The following GCGR variants were observed in gnomAD, a reference collection of about 807,000 sequenced individuals.
The protein encoded by GCGR is glucagon receptor.
A neutral mutation model predicts 56.1 loss-of-function variants in GCGR; 41 were observed. The observed-to-expected ratio is 0.73, with a 90% confidence interval of 0.57 to 0.95. GCGR has a LOEUF of 0.95. Among genes scored for constraint, GCGR ranks in the 40% least tolerant of loss-of-function variants. The pLI, the probability that GCGR is intolerant of heterozygous loss-of-function variation, is 0.00. For synonymous variants in GCGR, 278 were observed against 271.1 expected (o/e 1.03, Z -0.25); for missense variants, 595 against 638.2 (o/e 0.93, Z 0.73).
Position 81,810,128 on chromosome 17 carries a change from G to A in GCGR, c.163+244G>A, listed in dbSNP as rs370781519. 3.5e-6 allele frequency: 2 copies of A among 578,604 alleles called. No individual in the cohort carries two copies. Among genetic ancestry groups the A allele is most frequent in the Non-Finnish European group, 6.3e-6 (2 of 317,412 alleles). The allele number at this position is 578,604 out of a possible 1,614,324, so 35.8% of individuals were successfully genotyped here. ...AGAACGGTGGCATTGCCCCAGAACC[G>A]GCTGCTGCTGCTGCCCCCAGGCCCA... is the stretch of plus-strand genomic sequence containing the variant. On this transcript the variant is annotated intron_variant, in intron 3 of 13. Coordinates refer to ENST00000400723, the MANE Select transcript of GCGR (RefSeq NM_000160.5). The surrounding 1 kb of genome is among the most constrained non-coding windows in gnomAD (Gnocchi z 4.6).
Position 81,811,959 on chromosome 17 carries a change from G to T in GCGR, c.878+13G>T, listed in dbSNP as rs372749709. ...TCGAGAACGTCCAGTGAGTATGAGC[G>T]GCTGGACAGCCTGGGGAGGGACCGG... On this transcript the variant is annotated intron_variant, in intron 9 of 13. Coordinates refer to ENST00000400723, the MANE Select transcript of GCGR (RefSeq NM_000160.5). The surrounding 1 kb of genome is among the most constrained non-coding windows in gnomAD (Gnocchi z 5.8). 7.8e-6 allele frequency: 12 copies of T among 1,536,880 alleles called. No individual in the cohort carries two copies. Among genetic ancestry groups the T allele is most frequent in the South Asian group, 3.6e-5 (3 of 84,058 alleles).
chr17:81,806,808 G>A lies in GCGR; in HGVS notation c.-177-2034G>A, dbSNP rs1936374979. Among the ~76,000 whole-genome samples the A allele has an allele frequency of 3.4e-5, 5 of 147,052 alleles. No homozygotes were observed. In the South Asian group the frequency reaches 1.1e-3, roughly 33 times the overall value. ...CGTCCCCCCCCACCCCCACTTCGAG[G>A]CGCCCAGGCAGGGAACAGCTCATTG... On this transcript the variant is annotated intron_variant, in intron 1 of 13. Transcript: ENST00000400723. This position sits in a 1 kb window ranked among gnomAD's most constrained non-coding sequence, Gnocchi z 6.5.
rs1194113298 is a variant in GCGR, at chr17:81,804,898, C to T, written c.-178+649C>T. Among the ~76,000 whole-genome samples the T allele has an allele frequency of 6.6e-6, 1 of 152,212 alleles. No individual in the cohort carries two copies. The highest frequency in any genetic ancestry group is 1.5e-5 in the Non-Finnish European group (1 of 68,024). ...GCTCCGACTCTGAACCGACTGACCC[C>T]GGCCCCCTCGGCGCCCGCATCCTCC... On this transcript the variant is annotated intron_variant, in intron 1 of 13. Coordinates refer to ENST00000400723, the MANE Select transcript of GCGR (RefSeq NM_000160.5). The surrounding 1 kb of genome is among the most constrained non-coding windows in gnomAD (Gnocchi z 8.2).
chr17:81,813,257 C>T lies in GCGR; in HGVS notation c.1218+200C>T, dbSNP rs1353072529. The stretch of plus-strand genomic sequence containing the variant: ...CCCCCAGGACAGGTTGGCCTCAGCC[C>T]CATCGCTACGGTGTCCACCGTGGGG... On this transcript the variant is annotated intron_variant, in intron 13 of 13. Coordinates refer to ENST00000400723, the MANE Select transcript of GCGR (RefSeq NM_000160.5). The surrounding 1 kb of genome is among the most constrained non-coding windows in gnomAD (Gnocchi z 5.3). 6.6e-6 allele frequency among the ~76,000 whole-genome samples: 1 copy of T among 152,150 alleles called. No homozygotes were observed. The highest frequency in any genetic ancestry group is 1.5e-5 in the Non-Finnish European group (1 of 68,008).
Position 81,811,576 on chromosome 17 carries a change from C to T in GCGR, c.657+16C>T, listed in dbSNP as rs867827368. ...CAGTGATGGAGTGAGCCCCCCTCGG[C>T]GGCCCCAGGCAGGTGGGTGGGTGGG... On this transcript the variant is annotated intron_variant, in intron 7 of 13. Coordinates refer to ENST00000400723, the MANE Select transcript of GCGR (RefSeq NM_000160.5). The surrounding 1 kb of genome is among the most constrained non-coding windows in gnomAD (Gnocchi z 5.8). 30 of 1,536,010 alleles carry T rather than the reference C, an allele frequency of 2.0e-5. No individual in the cohort carries two copies. In the African/African-American group the frequency reaches 2.5e-4, roughly 13 times the overall value.
Position 81,810,142 on chromosome 17 carries a change from C to T in GCGR, c.163+258C>T. 1 of 561,416 alleles carries T rather than the reference C, an allele frequency of 1.8e-6. No homozygotes were observed. Among genetic ancestry groups the T allele is most frequent in the Admixed American group, 2.7e-5 (1 of 36,670 alleles). The allele number at this position is 561,416 out of a possible 1,614,324, so 34.8% of individuals were successfully genotyped here. A position where few individuals can be genotyped will look rare whatever the true frequency, so the allele number is the denominator to read the frequency against. ...GCCCCAGAACCGGCTGCTGCTGCTGCCCCCAGGCCCAGATGGGTAATACCA... is the reference window on the plus strand; with the variant it reads ...GCCCCAGAACCGGCTGCTGCTGCTGTCCCCAGGCCCAGATGGGTAATACCA... On this transcript the variant is annotated intron_variant, in intron 3 of 13. Coordinates refer to ENST00000400723, the MANE Select transcript of GCGR (RefSeq NM_000160.5). The surrounding 1 kb of genome is among the most constrained non-coding windows in gnomAD (Gnocchi z 4.6).
At position 81,811,586 on chromosome 17, in the gene GCGR, C is replaced by CAGGT; in HGVS notation, c.657+27_657+30dup. On this transcript the variant is annotated intron_variant, in intron 7 of 13. Transcript: ENST00000400723. This position sits in a 1 kb window ranked among gnomAD's most constrained non-coding sequence, Gnocchi z 5.8. ...GTGAGCCCCCCTCGGCGGCCCCAGG[C>CAGGT]AGGTGGGTGGGTGGGCAGCCAGGCA... The CAGGT allele has an allele frequency of 6.5e-7, 1 of 1,536,122 alleles. No homozygotes were observed. Among genetic ancestry groups the CAGGT allele is most frequent in the Non-Finnish European group, 8.7e-7 (1 of 1,146,784 alleles).
Position 81,813,908 on chromosome 17 carries a change from GT to G in GCGR, c.*220del, listed in dbSNP as rs2038159526. The G allele has an allele frequency of 3.4e-6, 2 of 588,348 alleles. No individual in the cohort carries two copies. The highest frequency in any genetic ancestry group is 6.0e-6 in the Non-Finnish European group (2 of 330,588). The allele number at this position is 588,348 out of a possible 1,614,324, so 36.4% of individuals were successfully genotyped here. A position where few individuals can be genotyped will look rare whatever the true frequency, so the allele number is the denominator to read the frequency against. On this transcript the variant is annotated 3_prime_UTR_variant, in exon 14 of 14. Transcript: ENST00000400723. This position sits in a 1 kb window ranked among gnomAD's most constrained non-coding sequence, Gnocchi z 5.3. Reference sequence around the variant, plus strand: ...GTGAGCAGAGGAGTCCAGGGCGGGAGTGGGGGCTGTGCCGTGAACTGCGTGC... The same window carrying G: ...GTGAGCAGAGGAGTCCAGGGCGGGAGGGGGGCTGTGCCGTGAACTGCGTGC...
In GCGR at chr17:81,813,836, G is replaced by A. The variant is rs1285941548; in HGVS notation, c.*147G>A. The A allele has an allele frequency of 7.0e-6, 5 of 716,168 alleles. No individual in the cohort carries two copies. Among genetic ancestry groups the A allele is most frequent in the African/African-American group, 5.3e-5 (3 of 56,116 alleles). The allele number at this position is 716,168 out of a possible 1,614,324, so 44.4% of individuals were successfully genotyped here. On this transcript the variant is annotated 3_prime_UTR_variant, in exon 14 of 14. Coordinates refer to ENST00000400723, the MANE Select transcript of GCGR (RefSeq NM_000160.5). The surrounding 1 kb of genome is among the most constrained non-coding windows in gnomAD (Gnocchi z 5.3). Reference sequence around the variant, plus strand: ...CCCCACCCCCAGTGTGGCTGTCTGCGAGATTGGGCCTCCTCTCCCTGCACC... The same window carrying A: ...CCCCACCCCCAGTGTGGCTGTCTGCAAGATTGGGCCTCCTCTCCCTGCACC...
At position 81,811,593 on chromosome 17, in the gene GCGR, G is replaced by T. The variant is rs1444033815; in HGVS notation, c.657+33G>T. ...CCCCTCGGCGGCCCCAGGCAGGTGG[G>T]TGGGTGGGCAGCCAGGCAGGTGGCC... On this transcript the variant is annotated intron_variant, in intron 7 of 13. Transcript: ENST00000400723. This position sits in a 1 kb window ranked among gnomAD's most constrained non-coding sequence, Gnocchi z 5.8. 6.5e-7 allele frequency: 1 copy of T among 1,536,162 alleles called. No individual in the cohort carries two copies. The highest frequency in any genetic ancestry group is 1.2e-5 in the South Asian group (1 of 84,052).
chr17:81,813,612 G>T lies in GCGR; in HGVS notation c.1357G>T (p.Gly453Cys), dbSNP rs1568255406. 1 of 1,536,532 alleles carries T rather than the reference G, an allele frequency of 6.5e-7. No homozygotes were observed. The highest frequency in any genetic ancestry group is 8.7e-7 in the Non-Finnish European group (1 of 1,146,854). The part of the protein sequence containing the change: ...PPSKELQFGR[G>C]GGSQDSSAET... ...CAGCAAGGAGCTGCAGTTTGGGAGG[G>T]GTGGTGGCAGCCAGGATTCATCTGC... Residue 453 changes from glycine to cysteine, a missense_variant, in exon 14 of 14, where the codon GGT (glycine) becomes TGT (cysteine). Transcript: ENST00000400723. The surrounding 1 kb of genome is among the most constrained non-coding windows in gnomAD (Gnocchi z 5.3).
Position 81,808,877 on chromosome 17 carries a change from A to G in GCGR, c.-142A>G, listed in dbSNP as rs1191942977. 1.5e-5 allele frequency: 15 copies of G among 987,092 alleles called. No homozygotes were observed. The highest frequency in any genetic ancestry group is 2.3e-5 in the Non-Finnish European group (15 of 653,684). 61.1% of individuals were successfully genotyped at this position (987,092 alleles called of 1,614,324 possible). On this transcript the variant is annotated 5_prime_UTR_variant, in exon 2 of 14. Coordinates refer to ENST00000400723, the MANE Select transcript of GCGR (RefSeq NM_000160.5). Reference sequence around the variant, plus strand: ...CTCAGAGGGGCAGCTTCAGGGGAGGACACCCCACTGGCCAGGACGCCCCAG... The same window carrying G: ...CTCAGAGGGGCAGCTTCAGGGGAGGGCACCCCACTGGCCAGGACGCCCCAG...
In GCGR at chr17:81,806,151, G is replaced by GT. The variant is rs926838114; in HGVS notation, c.-178+1903dup. On this transcript the variant is annotated intron_variant, in intron 1 of 13. Transcript: ENST00000400723. This position sits in a 1 kb window ranked among gnomAD's most constrained non-coding sequence, Gnocchi z 6.5. ...CTCATGGGTGCTCAGCTGGAAATTG[G>GT]TCCCCCCCCGGCTCCACCCACCCCT... is the stretch of plus-strand genomic sequence containing the variant. Among the ~76,000 whole-genome samples, 6 of 151,852 alleles carry GT rather than the reference G, an allele frequency of 4.0e-5. No homozygotes were observed. The highest frequency in any genetic ancestry group is 1.5e-4 in the African/African-American group (6 of 41,238).
chr17:81,810,683 G>C lies in GCGR; in HGVS notation c.164-142G>C, dbSNP rs937100022. The C allele has an allele frequency of 2.3e-5, 17 of 744,342 alleles. No individual in the cohort carries two copies. The highest frequency in any genetic ancestry group is 3.6e-5 in the Non-Finnish European group (16 of 446,376). The allele number at this position is 744,342 out of a possible 1,614,324, so 46.1% of individuals were successfully genotyped here. ...AGATGGGGGAGGTGGAGGTCAAGTG[G>C]GGGAGGGAGCAGCCCAGGCCATGTC... On this transcript the variant is annotated intron_variant, in intron 3 of 13. Transcript: ENST00000400723. This position sits in a 1 kb window ranked among gnomAD's most constrained non-coding sequence, Gnocchi z 4.6.
Position 81,811,654 on chromosome 17 carries a change from G to T in GCGR, c.661G>T (p.Val221Leu). ...SVSTWLSDGAVAGCRVAAVFM... is the reference protein window; with the variant it reads ...SVSTWLSDGALAGCRVAAVFM... ...GCTCACACTGCACCTGTACCAGGCG[G>T]TGGCTGGCTGCCGTGTGGCCGCGGT... is the stretch of plus-strand genomic sequence containing the variant. Residue 221 changes from valine (V) to leucine (L), a missense_variant, in exon 8 of 14, where the codon GTG (valine) becomes TTG (leucine). By Grantham distance (32) the Val-to-Leu change is conservative (BLOSUM62 1). Transcript: ENST00000400723. This position sits in a 1 kb window ranked among gnomAD's most constrained non-coding sequence, Gnocchi z 5.8. The T allele has an allele frequency of 6.5e-7, 1 of 1,536,502 alleles. No individual in the cohort carries two copies.
Position 81,811,532 on chromosome 17 carries a change from T to C in GCGR, c.629T>C (p.Leu210Pro). ...TACAGCCAGAAAATTGGCGACGACC[T>C]CAGTGTCAGCACCTGGCTCAGTGAT... ...TRYSQKIGDDLSVSTWLSDGA... is the reference protein window; with the variant it reads ...TRYSQKIGDDPSVSTWLSDGA... Residue 210 changes from leucine (L) to proline (P), a missense_variant, in exon 7 of 14, where the codon CTC becomes CCC. Leu to Pro is a moderately conservative substitution (Grantham distance 98). Transcript: ENST00000400723. The surrounding 1 kb of genome is among the most constrained non-coding windows in gnomAD (Gnocchi z 5.8). 6.5e-7 allele frequency: 1 copy of C among 1,536,504 alleles called. No homozygotes were observed. The highest frequency in any genetic ancestry group is 8.7e-7 in the Non-Finnish European group (1 of 1,146,844).
chr17:81,811,945 CAGTG>C lies in GCGR; in HGVS notation c.878+3_878+6del. The stretch of plus-strand genomic sequence containing the variant: ...GGTCAAGTGTCTGTTCGAGAACGTC[CAGTG>C]AGTATGAGCGGCTGGACAGCCTGGG... On this transcript the variant is annotated splice_donor_variant and splice_donor_region_variant and coding_sequence_variant and intron_variant, in exon 9 of 14. Transcript: ENST00000400723. LOFTEE classifies it high-confidence loss of function. The surrounding 1 kb of genome is among the most constrained non-coding windows in gnomAD (Gnocchi z 5.8). 1 of 1,536,938 alleles carries C rather than the reference CAGTG, an allele frequency of 6.5e-7. No homozygotes were observed. Among genetic ancestry groups the C allele is most frequent in the Non-Finnish European group, 8.7e-7 (1 of 1,146,858 alleles).
In GCGR at chr17:81,811,674, C is replaced by G. The variant is rs576029834; in HGVS notation, c.681C>G (p.Ala227=). 2 of 1,537,442 alleles carry G rather than the reference C, an allele frequency of 1.3e-6. No homozygotes were observed. Among genetic ancestry groups the G allele is most frequent in the African/African-American group, 2.7e-5 (2 of 73,172 alleles). The part of the protein sequence containing the change: ...SDGAVAGCRV[A]AVFMQYGIVA... Reference sequence around the variant, plus strand: ...AGGCGGTGGCTGGCTGCCGTGTGGCCGCGGTGTTCATGCAATATGGCATCG... The same window carrying G: ...AGGCGGTGGCTGGCTGCCGTGTGGCGGCGGTGTTCATGCAATATGGCATCG... The change falls in exon 8 of 14, where the codon GCC becomes GCG. Residue 227 remains alanine, a synonymous_variant. Coordinates refer to ENST00000400723, the MANE Select transcript of GCGR (RefSeq NM_000160.5). This position sits in a 1 kb window ranked among gnomAD's most constrained non-coding sequence, Gnocchi z 5.8.
rs1358089389 is a variant in GCGR, at chr17:81,811,753, G to A, written c.760G>A (p.Gly254Ser). 6.5e-7 allele frequency: 1 copy of A among 1,540,848 alleles called. No homozygotes were observed. Among genetic ancestry groups the A allele is most frequent in the Non-Finnish European group, 8.7e-7 (1 of 1,149,350 alleles). Residue 254 changes from glycine (G) to serine (S), a missense_variant, in exon 8 of 14, where the codon GGC becomes AGC. By Grantham distance (56) the Gly-to-Ser change is moderately conservative. Transcript: ENST00000400723. The surrounding 1 kb of genome is among the most constrained non-coding windows in gnomAD (Gnocchi z 5.8). Reference sequence around the variant, plus strand: ...GGGCCTGTACCTGCACAACCTGCTGGGCCTGGCCACCCTCCCCGAGAGGAG... The same window carrying A: ...GGGCCTGTACCTGCACAACCTGCTGAGCCTGGCCACCCTCCCCGAGAGGAG... ...VEGLYLHNLL[G>S]LATLPERSFF...
Sources: allele counts gnomAD v4.1 joint callset (sites outside exome capture counted in the v4.1 genomes callset), GRCh38; gene constraint gnomAD v4.1.1; non-coding constraint Gnocchi (gnomAD v3.1); transcripts MANE v1.5; gene names NCBI Gene and HGNC (gene_info 2026-07-23, HGNC 2026-07-21).